The following PIKFYVE variants were observed in gnomAD, a reference collection of about 807,000 sequenced individuals.
The protein encoded by PIKFYVE is phosphoinositide kinase, FYVE-type zinc finger containing, also known as 1-phosphatidylinositol 3-phosphate 5-kinase.
In PIKFYVE, 122 loss-of-function variants were observed where a neutral mutation model predicts 257.9. The ratio of observed to expected loss-of-function variants is 0.47; its 90% CI spans 0.41 to 0.55. The LOEUF (loss-of-function observed/expected upper bound fraction) is 0.55. Among genes scored for constraint, PIKFYVE ranks in the 20% least tolerant of loss-of-function variants. The probability of loss-of-function intolerance (pLI) is 0.00; values close to 1 mark genes in which losing one functional copy is unlikely to be tolerated. For missense variants in PIKFYVE, 2,160 were observed against 2,536.6 expected (o/e 0.85, Z 3.19); for synonymous variants, 892 against 868.9 (o/e 1.03, Z -0.47).
At chr2:208,273,143 A>T (rs1689651341) in intron 2 of PIKFYVE, among the ~76,000 whole-genome samples, 2 of 152,248 alleles carry the variant, frequency 1.3e-5, no homozygotes, top group South Asian at 4.1e-4. Flanking sequence ...TCTGTCCAGT[A>T]AACAGACCCA....
chr2:208,328,466 G>A (rs570120504), intron 21 of PIKFYVE, among the ~76,000 whole-genome samples, 186 bp downstream of exon 21: 1 of 152,322 alleles, frequency 6.6e-6, no homozygotes, highest in East Asian at 1.9e-4. Context: ...TTGTTCATGA[G>A]TAGAAGTAAA....
rs765845131 is a variant in PIKFYVE, at chr2:208,288,807, T to C, written c.900T>C (p.Pro300=). 1 of 1,614,104 alleles carries C rather than the reference T, an allele frequency of 6.2e-7. No individual in the cohort carries two copies. Among genetic ancestry groups the C allele is most frequent in the South Asian group, 1.1e-5 (1 of 91,084 alleles). The part of the protein sequence containing the change: ...VSVQEDAGKS[P]ARNRSASITN... ...TGCAAGAGGATGCTGGGAAATCTCC[T>C]GCTCGAAATAGGTAAACTGACAAAT... The change falls in exon 7 of 42, where the codon CCT becomes CCC. Residue 300 remains proline (P), a synonymous_variant. Transcript: ENST00000264380.
chr2:208,351,982 G>A (rs1403434494), intron 38 of PIKFYVE, among the ~76,000 whole-genome samples: 3 of 152,042 alleles, frequency 2.0e-5, no homozygotes, highest in African/African-American at 7.2e-5. Context: ...TAAGATATAT[G>A]CAGGACACAA....
At chr2:208,318,873 C>A (rs530188137) in intron 16 of PIKFYVE, among the ~76,000 whole-genome samples, 1 of 149,748 alleles carries the variant, frequency 6.7e-6, no homozygotes, top group East Asian at 2.0e-4. Flanking sequence ...ATCTCTTGAA[C>A]CTTGGAGGCG....
At chr2:208,309,736 G>T (rs763764321) in intron 12 of PIKFYVE, among the ~76,000 whole-genome samples, 28 of 152,202 alleles carry the variant, frequency 1.8e-4, no homozygotes, top group Non-Finnish European at 3.4e-4. Context: ...ACTGTGCATG[G>T]TAAGTGTCCA....
At chr2:208,284,421 T>C (rs566318640) in intron 5 of PIKFYVE, among the ~76,000 whole-genome samples, 11 of 152,158 alleles carry the variant, frequency 7.2e-5, no homozygotes, top group Non-Finnish European at 1.2e-4. Flanking sequence ...CCGCCATGCC[T>C]GGCTAATTTT....
Position 208,301,011 on chromosome 2 carries a change from C to G in PIKFYVE, c.1125C>G (p.Arg375=). The change falls in exon 9 of 42, where the codon CGC becomes CGG. Residue 375 remains arginine, a synonymous_variant. Transcript: ENST00000264380. ...GTGGAATGGAGTTTCAGGATCACCGCTACTGGTTGAGAACGCATCCCAACT... is the reference window on the plus strand; with the variant it reads ...GTGGAATGGAGTTTCAGGATCACCGGTACTGGTTGAGAACGCATCCCAACT... ...HSSGMEFQDH[R]YWLRTHPNCI... 2.5e-6 allele frequency: 4 copies of G among 1,614,146 alleles called. No individual in the cohort carries two copies. In the South Asian group the frequency reaches 4.4e-5, roughly 18 times the overall value.
chr2:208,294,171 T>G (rs1692673927), intron 7 of PIKFYVE, among the ~76,000 whole-genome samples: 1 of 152,216 alleles, frequency 6.6e-6, no homozygotes, highest in Admixed American at 6.5e-5. Flanking sequence ...GTTCAAAGAT[T>G]CTTTCCTTAC....
At chr2:208,344,801 A>G (rs919504915) in intron 32 of PIKFYVE, among the ~76,000 whole-genome samples, 5 of 152,056 alleles carry the variant, frequency 3.3e-5, no homozygotes, top group Admixed American at 3.3e-4. Flanking sequence ...TGAGGCTTCA[A>G]ACTTTTACCT....
In PIKFYVE at chr2:208,335,850, A is replaced by AAGTTTAGTATCAG; in HGVS notation, c.4314_4315insAGTTTAGTATCAG (p.Phe1439SerfsTer6). On this transcript the variant is annotated frameshift_variant, in exon 26 of 42. Transcript: ENST00000264380. LOFTEE classifies it high-confidence loss of function. ...GACTTGCATCTTTGAAAACTGATAC[A>AAGTTTAGTATCAG]TTTAGTAAAACAAGAGAGGAAAAAA... The AAGTTTAGTATCAG allele has an allele frequency of 6.2e-7, 1 of 1,613,212 alleles. No individual in the cohort carries two copies. The highest frequency in any genetic ancestry group is 8.5e-7 in the Non-Finnish European group (1 of 1,179,434).
At chr2:208,268,999 TCTA>T (rs1184379094) in intron 1 of PIKFYVE, among the ~76,000 whole-genome samples, 3 of 152,174 alleles carry the variant, frequency 2.0e-5, no homozygotes, top group Non-Finnish European at 4.4e-5. Context: ...TAGTGACAGT[TCTA>T]CTAATGTCTG....
At chr2:208,283,898 A>G (rs1020248289) in intron 5 of PIKFYVE, among the ~76,000 whole-genome samples, 1 of 152,136 alleles carries the variant, frequency 6.6e-6, no homozygotes, top group Non-Finnish European at 1.5e-5. Flanking sequence ...TGCATAATTT[A>G]ATAAAACTGA....
chr2:208,277,528 T>C lies in PIKFYVE; in HGVS notation c.442-9T>C. The stretch of plus-strand genomic sequence containing the variant: ...TTCAAGAAGCCTTCACACATTTTTA[T>C]TGTTATAGGATAGTGACCTGAAACA... On this transcript the variant is annotated splice_polypyrimidine_tract_variant and intron_variant, in intron 4 of 41. Transcript: ENST00000264380. 1 of 1,613,290 alleles carries C rather than the reference T, an allele frequency of 6.2e-7. No homozygotes were observed. The highest frequency in any genetic ancestry group is 8.5e-7 in the Non-Finnish European group (1 of 1,179,256).
intron 17 of PIKFYVE, among the ~76,000 whole-genome samples, chr2:208,323,434 A>G (rs1309792796): frequency 6.6e-6 from 1 of 151,940 alleles, no homozygotes; most frequent in Non-Finnish European, 1.5e-5. Flanking sequence ...TACAAAGGAC[A>G]TGAACTCATC....
intron 33 of PIKFYVE, among the ~76,000 whole-genome samples, chr2:208,345,550 A>G (rs947717932): frequency 6.6e-6 from 1 of 152,146 alleles, no homozygotes; most frequent in Non-Finnish European, 1.5e-5. Context: ...ATTGTTTATA[A>G]TAAATAAAGG....
intron 1 of PIKFYVE, chr2:208,270,037 ATTT>A (rs943072206): frequency 3.3e-4 from 36 of 110,262 alleles, no homozygotes; most frequent in South Asian, 5.9e-4. Flanking sequence ...AGACTACAGT[ATTT>A]TTTTTTTTTT....
intron 35 of PIKFYVE, among the ~76,000 whole-genome samples, chr2:208,348,916 A>C (rs918068462): frequency 4.6e-5 from 7 of 152,136 alleles, no homozygotes; most frequent in African/African-American, 1.7e-4. Context: ...TAATCCCAGC[A>C]CTTTGGGAGG....
At chr2:208,283,776 G>T (rs753515300) in intron 5 of PIKFYVE, among the ~76,000 whole-genome samples, 1 of 152,044 alleles carries the variant, frequency 6.6e-6, no homozygotes, top group African/African-American at 2.4e-5. Context: ...TTGATGTGGG[G>T]TCTCACCATG....
chr2:208,301,171 A>G, intron 9 of PIKFYVE, 77 bp downstream of exon 9: 2 of 1,557,860 alleles, frequency 1.3e-6, no homozygotes, highest in Non-Finnish European at 1.8e-6. Context: ...AGTAAGAGTT[A>G]CAGATTTCTT....
Sources: gnomAD v4.1 joint callset for allele counts (sites outside exome capture counted in the v4.1 genomes callset) on GRCh38, gnomAD v4.1.1 for gene constraint, MANE v1.5 for transcripts, NCBI Gene and HGNC (gene_info 2026-07-23, HGNC 2026-07-21) for gene names.